The following WWOX variants were observed in gnomAD, a reference collection of about 807,000 sequenced individuals.
WWOX encodes the protein WW domain containing oxidoreductase.
WWOX carries 69 observed loss-of-function variants against 46.2 expected under a neutral mutation model. The observed-to-expected ratio is 1.49, with a 90% CI of 1.23 to 1.82. The LOEUF (loss-of-function observed/expected upper bound fraction) is 1.82, where lower values mean the gene tolerates loss of function less well. Among genes scored for constraint, WWOX ranks in the 40% most tolerant of loss-of-function variants. The pLI is 0.00. For missense variants in WWOX, 919 were observed against 542.6 expected (o/e 1.69, Z -6.89); for synonymous variants, 359 against 202.6 (o/e 1.77, Z -6.56).
At chr16:78,957,531 A>T (rs2046191921) in intron 8 of WWOX, among the ~76,000 whole-genome samples, 1 of 152,156 alleles carries the variant, frequency 6.6e-6, no homozygotes, top group Admixed American at 6.5e-5. Context: ...GAGAATGTCT[A>T]CTGCTGCACA....
At chr16:78,624,842 G>C (rs746756817) in intron 8 of WWOX, among the ~76,000 whole-genome samples, 1 of 152,210 alleles carries the variant, frequency 6.6e-6, no homozygotes, top group East Asian at 1.9e-4. Context: ...GCCTAAAGGA[G>C]CAGATATCGT....
intron 8 of WWOX, among the ~76,000 whole-genome samples, chr16:78,770,799 TC>T (rs1432599021): frequency 2.0e-5 from 1 of 50,990 alleles, no homozygotes; most frequent in Non-Finnish European, 5.6e-5. Context: ...AAGGGGAAAC[TC>T]TTCTTTCCTC....
chr16:78,641,443 G>T (rs890453633), intron 8 of WWOX, among the ~76,000 whole-genome samples: 1 of 152,228 alleles, frequency 6.6e-6, no homozygotes, highest in East Asian at 1.9e-4. Flanking sequence ...GAGTCAGAAA[G>T]CAGCAGGAGT....
At chr16:78,209,111 TA>T (rs2151785273) in intron 5 of WWOX, among the ~76,000 whole-genome samples, 1 of 152,250 alleles carries the variant, frequency 6.6e-6, no homozygotes, top group African/African-American at 2.4e-5. Context: ...AGTTGAAAAA[TA>T]AGAAATGCTG....
chr16:78,821,728 C>G (rs1049083729), intron 8 of WWOX, among the ~76,000 whole-genome samples: 5 of 152,204 alleles, frequency 3.3e-5, no homozygotes, highest in Non-Finnish European at 7.3e-5. Flanking sequence ...AAACCCAAGT[C>G]TATTTCTGAG....
intron 8 of WWOX, among the ~76,000 whole-genome samples, chr16:78,473,564 A>G (rs2084282127): frequency 6.6e-6 from 1 of 152,140 alleles, no homozygotes; most frequent in African/African-American, 2.4e-5. Context: ...AGATACACTT[A>G]TCTGTGAGCA....
intron 8 of WWOX, among the ~76,000 whole-genome samples, chr16:78,869,272 T>G (rs62036233): frequency 6.6e-6 from 1 of 152,056 alleles, no homozygotes; most frequent in Non-Finnish European, 1.5e-5. Flanking sequence ...AATGAAACAC[T>G]TAGGGGTTAG....
chr16:79,047,108 C>T (rs1310145142), intron 8 of WWOX, among the ~76,000 whole-genome samples: 30 of 152,164 alleles, frequency 2.0e-4, no homozygotes, highest in Non-Finnish European at 1.3e-4. Context: ...ACCCTTCCAG[C>T]CATTCACATA....
At chr16:78,411,847 G>C (rs745552096) in intron 6 of WWOX, among the ~76,000 whole-genome samples, 2 of 152,206 alleles carry the variant, frequency 1.3e-5, no homozygotes, top group Admixed American at 6.5e-5. Context: ...CTGGGATGGG[G>C]ATTCTTGTTC....
chr16:78,106,907 C>T (rs1247039804), intron 1 of WWOX, among the ~76,000 whole-genome samples: 3 of 152,204 alleles, frequency 2.0e-5, no homozygotes, highest in East Asian at 3.9e-4. Flanking sequence ...TGGCTGGACT[C>T]AGCTAGCATG....
At chr16:78,602,298 T>C (rs1178381969) in intron 8 of WWOX, among the ~76,000 whole-genome samples, 1 of 152,086 alleles carries the variant, frequency 6.6e-6, no homozygotes, top group East Asian at 1.9e-4. Context: ...AGTGGTGTAA[T>C]CTCGGCTTAC....
intron 8 of WWOX, among the ~76,000 whole-genome samples, chr16:78,472,076 G>C (rs566037999): frequency 6.6e-6 from 1 of 152,162 alleles, no homozygotes; most frequent in South Asian, 2.1e-4. Flanking sequence ...TTTTTTCTTA[G>C]GCGCCTATGC....
chr16:78,920,832 G>T (rs1356537947), intron 8 of WWOX, among the ~76,000 whole-genome samples: 2 of 152,204 alleles, frequency 1.3e-5, no homozygotes, highest in African/African-American at 4.8e-5. Context: ...TTTGGCTGTT[G>T]TGAGGAAGGC....
At chr16:78,823,286 G>A (rs1051574347) in intron 8 of WWOX, among the ~76,000 whole-genome samples, 2 of 152,322 alleles carry the variant, frequency 1.3e-5, no homozygotes, top group East Asian at 1.9e-4. Flanking sequence ...GGCGGCTGGC[G>A]GGTTGGGGGC....
At chr16:78,929,013 C>T (rs575349727) in intron 8 of WWOX, among the ~76,000 whole-genome samples, 1 of 152,168 alleles carries the variant, frequency 6.6e-6, no homozygotes, top group African/African-American at 2.4e-5. Context: ...AATATACGTT[C>T]ACATATAGTT....
chr16:78,298,381 C>T (rs2079977052), intron 5 of WWOX, among the ~76,000 whole-genome samples: 1 of 152,094 alleles, frequency 6.6e-6, no homozygotes, highest in Non-Finnish European at 1.5e-5. Context: ...TTGGGGTTTC[C>T]AGTTTCAGAT....
chr16:78,252,957 A>G (rs1292078492), intron 5 of WWOX, among the ~76,000 whole-genome samples: 1 of 152,226 alleles, frequency 6.6e-6, no homozygotes, highest in East Asian at 1.9e-4. Context: ...TTGATTATTC[A>G]GCATAGGGGC....
intron 8 of WWOX, among the ~76,000 whole-genome samples, chr16:79,118,831 A>C (rs1210215821): frequency 6.6e-6 from 1 of 152,116 alleles, no homozygotes; most frequent in African/African-American, 2.4e-5. Context: ...ACATTTCATC[A>C]TGTTGTTCTA....
intron 8 of WWOX, among the ~76,000 whole-genome samples, chr16:78,578,949 A>G (rs571482393): frequency 2.6e-5 from 4 of 152,298 alleles, no homozygotes; most frequent in African/African-American, 9.6e-5. Context: ...TTACTTATGA[A>G]CTTTCTTGCT....
Sources: gnomAD v4.1 joint callset for allele counts (sites outside exome capture counted in the v4.1 genomes callset) on GRCh38, gnomAD v4.1.1 for gene constraint, MANE v1.5 for transcripts, NCBI Gene and HGNC (gene_info 2026-07-23, HGNC 2026-07-21) for gene names.